The following TNNI3K variants were observed in gnomAD, a reference collection of about 807,000 sequenced individuals.
TNNI3K encodes the protein TNNI3 interacting kinase.
In TNNI3K, 140 loss-of-function variants were observed where a neutral mutation model predicts 114.5. The ratio of observed to expected loss-of-function variants is 1.22; its 90% CI spans 1.07 to 1.41. The LOEUF (loss-of-function observed/expected upper bound fraction) is 1.41. Ranked by LOEUF, TNNI3K falls within the 40% of genes most tolerant of loss-of-function variation. TNNI3K has a pLI of 0.00. For missense variants in TNNI3K, 1,125 were observed against 1,007.6 expected, an observed-to-expected ratio of 1.12 and a Z score of -1.58; for synonymous variants, 347 against 347.5, an observed-to-expected ratio of 1.00 and a Z score of 0.02.
chr1:74,283,667 G>A (rs1000594912), intron 5 of TNNI3K, among the ~76,000 whole-genome samples: 24 of 152,162 alleles, frequency 1.6e-4, no homozygotes, highest in Admixed American at 1.4e-3. Flanking sequence ...AACCTGATAT[G>A]AGAAATCCCT....
chr1:74,250,139 C>G (rs1196945180), intron 3 of TNNI3K, among the ~76,000 whole-genome samples: 1 of 152,140 alleles, frequency 6.6e-6, no homozygotes, highest in Non-Finnish European at 1.5e-5. Flanking sequence ...AGCTTAACTT[C>G]TTAAAATGGA....
chr1:74,280,994 A>C (rs955696735), intron 5 of TNNI3K, among the ~76,000 whole-genome samples: 2 of 151,952 alleles, frequency 1.3e-5, no homozygotes, highest in African/African-American at 4.8e-5. Flanking sequence ...CAGTAAACTA[A>C]AGCAACTAGC....
At chr1:74,469,115 A>G (rs1427808539) in intron 21 of TNNI3K, 1 of 152,564 alleles carries the variant, frequency 6.6e-6, no homozygotes, top group Non-Finnish European at 1.5e-5. Context: ...AATAAAGCTC[A>G]TTAAAATTCC....
chr1:74,482,058 T>C (rs1668531908), intron 21 of TNNI3K, among the ~76,000 whole-genome samples: 1 of 152,222 alleles, frequency 6.6e-6, no homozygotes, highest in African/African-American at 2.4e-5. Context: ...TTTCAGCATT[T>C]ATGATTGATT....
chr1:74,492,140 C>T lies in TNNI3K; in HGVS notation c.2225C>T (p.Pro742Leu), dbSNP rs1210821808. 3 of 1,594,908 alleles carry T rather than the reference C, an allele frequency of 1.9e-6. No individual in the cohort carries two copies. Among genetic ancestry groups the T allele is most frequent in the Non-Finnish European group, 2.6e-6 (3 of 1,168,510 alleles). The change falls in exon 23 of 25, where the codon CCT (proline) becomes CTT (leucine). Residue 742 changes from proline (P) to leucine (L), a missense_variant. By Grantham distance (98) the Pro-to-Leu change is moderately conservative. Coordinates refer to ENST00000326637, the MANE Select transcript of TNNI3K (RefSeq NM_015978.3). Reference protein sequence around the residue: ...ASSNSSGSLSPSSSSDCLVNR... With the variant: ...ASSNSSGSLSLSSSSDCLVNR... ...AGTAACAGCAGTGGGTCTCTCTCAC[C>T]TTCTTCTTCTTCTGATTGCCTGGTG...
At chr1:74,446,534 C>A (rs919906319) in intron 20 of TNNI3K, among the ~76,000 whole-genome samples, 3 of 147,618 alleles carry the variant, frequency 2.0e-5, no homozygotes, top group East Asian at 3.9e-4. Context: ...TGCAGAAGCT[C>A]TTTATTTTAA....
At chr1:74,245,899 G>A (rs1291891603) in intron 2 of TNNI3K, among the ~76,000 whole-genome samples, 1 of 152,076 alleles carries the variant, frequency 6.6e-6, no homozygotes, top group Non-Finnish European at 1.5e-5. Flanking sequence ...ACATAGACAT[G>A]CTTACTAATA....
chr1:74,453,161 A>C (rs982130269), intron 20 of TNNI3K, among the ~76,000 whole-genome samples: 2 of 152,206 alleles, frequency 1.3e-5, no homozygotes, highest in South Asian at 4.1e-4. Context: ...ATTTTAGTTC[A>C]TGGACCCCAG....
intron 11 of TNNI3K, among the ~76,000 whole-genome samples, chr1:74,364,872 A>G (rs1293479070): frequency 6.6e-6 from 1 of 152,110 alleles, no homozygotes; most frequent in Admixed American, 6.6e-5. Flanking sequence ...AAAGAAATGC[A>G]GTCCTGCTGA....
intron 17 of TNNI3K, chr1:74,378,699 T>A (rs1663049049): frequency 6.8e-6 from 1 of 146,264 alleles, no homozygotes; most frequent in Non-Finnish European, 1.5e-5. Flanking sequence ...TAATGACCAA[T>A]GTGACTTGAC....
chr1:74,286,389 C>T (rs1211705502), intron 5 of TNNI3K, among the ~76,000 whole-genome samples: 1 of 152,138 alleles, frequency 6.6e-6, no homozygotes, highest in African/African-American at 2.4e-5. Context: ...CCAGCCCTCA[C>T]AGCTCCAGGC....
intron 20 of TNNI3K, among the ~76,000 whole-genome samples, chr1:74,444,385 C>A (rs1666532037): frequency 6.6e-6 from 1 of 151,826 alleles, no homozygotes; most frequent in South Asian, 2.1e-4. Flanking sequence ...TATACACCAA[C>A]AATAGACAAG....
chr1:74,289,486 G>GAATTACAGTCCTGTGCTA (rs369263112), intron 5 of TNNI3K, among the ~76,000 whole-genome samples: 3 of 2,690 alleles, frequency 1.1e-3, no homozygotes, highest in Non-Finnish European at 2.1e-3. Context: ...CATAGGTAGT[G>GAATTACAGTCCTGTGCTA]TCATTAGTCT....
At chr1:74,386,755 A>G (rs923160203) in intron 17 of TNNI3K, among the ~76,000 whole-genome samples, 23 of 152,212 alleles carry the variant, frequency 1.5e-4, no homozygotes, top group African/African-American at 5.5e-4. Context: ...ACAATTTAAA[A>G]TTAGTTGACA....
intron 2 of TNNI3K, chr1:74,240,094 A>G: frequency 2.8e-6 from 1 of 354,056 alleles, no homozygotes; most frequent in South Asian, 2.3e-5. Flanking sequence ...ACATAACAGC[A>G]CTTACTACAT....
At chr1:74,461,295 C>T (rs1412448700) in intron 20 of TNNI3K, among the ~76,000 whole-genome samples, 1 of 152,072 alleles carries the variant, frequency 6.6e-6, no homozygotes, top group Non-Finnish European at 1.5e-5. Context: ...CCTGCTAACA[C>T]AGTGAAATCC....
chr1:74,344,124 A>C (rs191791402), intron 9 of TNNI3K, among the ~76,000 whole-genome samples: 13 of 152,310 alleles, frequency 8.5e-5, no homozygotes, highest in Non-Finnish European at 1.2e-4. Context: ...ACCAAACTAA[A>C]ATTAAGCTTG....
intron 17 of TNNI3K, among the ~76,000 whole-genome samples, chr1:74,431,515 T>TA (rs1305913485): frequency 2.0e-5 from 3 of 152,104 alleles, no homozygotes; most frequent in Admixed American, 6.6e-5. Flanking sequence ...GCACAGAACT[T>TA]AGCCTTCGCA....
At chr1:74,399,914 T>G (rs546460517) in intron 17 of TNNI3K, among the ~76,000 whole-genome samples, 2 of 152,314 alleles carry the variant, frequency 1.3e-5, no homozygotes, top group Non-Finnish European at 2.9e-5. Context: ...TGTGGGAATT[T>G]AGGGAACCAA....
Sources: gnomAD v4.1 joint callset for allele counts (sites outside exome capture counted in the v4.1 genomes callset) on GRCh38, gnomAD v4.1.1 for gene constraint, MANE v1.5 for transcripts, NCBI Gene and HGNC (gene_info 2026-07-23, HGNC 2026-07-21) for gene names.